Variants in PHF24 observed in about 807,000 individuals in gnomAD.
PHF24 encodes the protein Galpha inhibitory interacting protein.
Under a neutral mutation model 42.6 loss-of-function variants are expected in PHF24, and 25 were observed. The observed-to-expected ratio is 0.59, with a 90% confidence interval of 0.43 to 0.82. The LOEUF (loss-of-function observed/expected upper bound fraction) is 0.82. PHF24 is among the 40% of genes least tolerant of loss of function. The pLI is 0.00. For synonymous variants in PHF24, 185 were observed against 204.8 expected (o/e 0.90, Z 0.83); for missense variants, 470 against 538.1 (o/e 0.87, Z 1.25).
intron 2 of PHF24, 68 bp downstream of exon 2, chr9:34,971,744 T>C (rs1826997444): frequency 1.1e-5 from 16 of 1,510,220 alleles, no homozygotes; most frequent in Non-Finnish European, 1.4e-5. Context: ...GGAAGATGGA[T>C]GTGGGTAAGG....
At chr9:34,688,362 C>G in the PHF24 span, among the ~76,000 whole-genome samples, 1 of 152,196 alleles carries the variant, frequency 6.6e-6, no homozygotes, top group Non-Finnish European at 1.5e-5. Context: ...GGAGACTTCT[C>G]AAGTACGAGG....
the PHF24 span, among the ~76,000 whole-genome samples, chr9:34,687,837 A>G: frequency 2.0e-5 from 3 of 152,118 alleles, no homozygotes; most frequent in Non-Finnish European, 4.4e-5. Context: ...CAGCTGGGAG[A>G]CCTAGAACGC....
At chr9:34,866,559 A>T in the PHF24 span, among the ~76,000 whole-genome samples, 1 of 152,234 alleles carries the variant, frequency 6.6e-6, no homozygotes, top group African/African-American at 2.4e-5. Flanking sequence ...TATAAAAAAA[A>T]TGCAGAATGC....
the PHF24 span, among the ~76,000 whole-genome samples, chr9:34,885,411 G>T: frequency 2.6e-5 from 4 of 152,158 alleles, no homozygotes; most frequent in South Asian, 2.1e-4. Context: ...GATAATCCTG[G>T]ATCTCCTTAG....
At chr9:34,800,346 T>A in the PHF24 span, among the ~76,000 whole-genome samples, 1 of 152,066 alleles carries the variant, frequency 6.6e-6, no homozygotes, top group African/African-American at 2.4e-5. Context: ...TTTGTTCTAA[T>A]AGCTGAGAGA....
At chr9:34,758,703 C>T in the PHF24 span, among the ~76,000 whole-genome samples, 1 of 152,084 alleles carries the variant, frequency 6.6e-6, no homozygotes, top group Non-Finnish European at 1.5e-5. This position sits in a 1 kb window ranked among gnomAD's most constrained non-coding sequence, Gnocchi z 4.4. Context: ...AGGGGATTGG[C>T]GGGGGATAGG....
At chr9:34,845,849 G>A in the PHF24 span, among the ~76,000 whole-genome samples, 1 of 149,304 alleles carries the variant, frequency 6.7e-6, no homozygotes, top group South Asian at 2.1e-4. Context: ...AATATGCGGT[G>A]TTTGGTTTTT....
chr9:34,894,922 AC>A, the PHF24 span: 8 of 396,962 alleles, frequency 2.0e-5, no homozygotes, highest in Admixed American at 1.3e-4. Flanking sequence ...CCTGGGGGGT[AC>A]TAGAGTCTGC....
At chr9:34,718,912 A>G in the PHF24 span, among the ~76,000 whole-genome samples, 3 of 152,248 alleles carry the variant, frequency 2.0e-5, no homozygotes, top group African/African-American at 7.2e-5. Context: ...GAAGAGCTCT[A>G]GAAGGTCGGG....
At chr9:34,970,573 A>G (rs1213839019) in intron 1 of PHF24, among the ~76,000 whole-genome samples, 7 of 152,244 alleles carry the variant, frequency 4.6e-5, no homozygotes. Context: ...TGACTTAAAA[A>G]GTAGGCATTT....
the PHF24 span, chr9:34,837,216 G>T: frequency 1.8e-5 from 8 of 439,500 alleles, no homozygotes; most frequent in Non-Finnish European, 3.3e-5. Flanking sequence ...TTGACTCTCA[G>T]CAAGAAGACA....
At chr9:34,799,297 T>C in the PHF24 span, among the ~76,000 whole-genome samples, 78,824 of 151,980 alleles carry the variant, frequency 0.52, 22,466 homozygotes, top group Non-Finnish European at 0.64. Flanking sequence ...TTAAACCATA[T>C]AACATTGGGC....
upstream of PHF24, among the ~76,000 whole-genome samples, chr9:34,953,785 A>T (rs1411531302): frequency 6.6e-6 from 1 of 151,962 alleles, no homozygotes; most frequent in East Asian, 1.9e-4. The surrounding 1 kb of genome is among the most constrained non-coding windows in gnomAD (Gnocchi z 4.1). Flanking sequence ...CTCTACAAAA[A>T]ATATATATAT....
chr9:34,901,806 G>T, the PHF24 span, among the ~76,000 whole-genome samples: 1 of 152,136 alleles, frequency 6.6e-6, no homozygotes, highest in Admixed American at 6.6e-5. Flanking sequence ...GAACTTTCTA[G>T]GTTTAGTAAT....
the PHF24 span, among the ~76,000 whole-genome samples, chr9:34,701,862 C>T: frequency 1.3e-5 from 2 of 152,304 alleles, no homozygotes; most frequent in East Asian, 3.9e-4. This position sits in a 1 kb window ranked among gnomAD's most constrained non-coding sequence, Gnocchi z 5.8. Context: ...ATCTTTCCCT[C>T]CCACGCCCCA....
At chr9:34,849,149 G>A in the PHF24 span, among the ~76,000 whole-genome samples, 164 of 152,030 alleles carry the variant, frequency 1.1e-3, no homozygotes, top group African/African-American at 3.6e-3. Context: ...CAATTCCTGG[G>A]TATCCTTGTT....
chr9:34,790,502 GC>G, the PHF24 span, among the ~76,000 whole-genome samples: 629 of 152,216 alleles, frequency 4.1e-3, 2 homozygotes, highest in African/African-American at 0.014. Flanking sequence ...TAAGTACTTA[GC>G]AATCTAAGAC....
the PHF24 span, among the ~76,000 whole-genome samples, chr9:34,915,570 A>G: frequency 1.3e-5 from 2 of 152,144 alleles, no homozygotes; most frequent in Non-Finnish European, 2.9e-5. Flanking sequence ...CACAAAGTAA[A>G]GAAGATCAGA....
At chr9:34,742,831 C>A in the PHF24 span, among the ~76,000 whole-genome samples, 1 of 152,134 alleles carries the variant, frequency 6.6e-6, no homozygotes, top group Non-Finnish European at 1.5e-5. Context: ...TTTAACAAGA[C>A]AATTACCTAT....
Sources: gnomAD v4.1 joint callset for allele counts (sites outside exome capture counted in the v4.1 genomes callset) on GRCh38, gnomAD v4.1.1 for gene constraint, Gnocchi (gnomAD v3.1) non-coding constraint, MANE v1.5 for transcripts, NCBI Gene and HGNC (gene_info 2026-07-23, HGNC 2026-07-21) for gene names.